Variants in UNC5C observed in about 807,000 individuals in gnomAD.
UNC5C encodes the protein unc-5 netrin receptor C, also known as netrin receptor UNC5C.
In UNC5C, 47 loss-of-function variants were observed where a neutral mutation model predicts 99.8. The ratio of observed to expected loss-of-function variants is 0.47; its 90% CI spans 0.37 to 0.60. The LOEUF (loss-of-function observed/expected upper bound fraction) is 0.60, where lower values mean the gene tolerates loss of function less well. Among genes scored for constraint, UNC5C ranks in the 20% least tolerant of loss-of-function variants. The probability of loss-of-function intolerance (pLI) is 0.00; values close to 1 mark genes in which losing one functional copy is unlikely to be tolerated. For missense variants in UNC5C, 1,062 were observed against 1,165.9 expected, an observed-to-expected ratio of 0.91 and a Z score of 1.30; for synonymous variants, 487 against 452.2, an observed-to-expected ratio of 1.08 and a Z score of -0.98.
chr4:95,246,648 A>T (rs766512003), intron 5 of UNC5C, among the ~76,000 whole-genome samples: 5 of 151,778 alleles, frequency 3.3e-5, no homozygotes, highest in Non-Finnish European at 7.4e-5. Context: ...ATATGTATAT[A>T]ATTTTATATA....
In UNC5C at chr4:95,467,030, C is replaced by T. The variant is rs181432051; in HGVS notation, c.124+81704G>A. Among the ~76,000 whole-genome samples, 45 of 152,174 alleles carry T rather than the reference C, an allele frequency of 3.0e-4. 2 individuals are homozygous for T. Among genetic ancestry groups the T allele is most frequent in the Admixed American group, 2.4e-3 (37 of 15,290 alleles). On this transcript the variant is annotated intron_variant, in intron 1 of 15. Coordinates refer to ENST00000453304, the MANE Select transcript of UNC5C (RefSeq NM_003728.4). ...CCAGCTGTCATGTAATGATGACACTCGAGCCATGATGAGAAACTGAGGCCT... is the reference window on the plus strand; with the variant it reads ...CCAGCTGTCATGTAATGATGACACTTGAGCCATGATGAGAAACTGAGGCCT...
At chr4:95,490,846 C>A (rs563055810) in intron 1 of UNC5C, among the ~76,000 whole-genome samples, 7 of 151,730 alleles carry the variant, frequency 4.6e-5, no homozygotes, top group Non-Finnish European at 1.0e-4. Context: ...AATAATTTAT[C>A]AAGTTATTAT....
At chr4:95,412,976 G>T (rs1030857080) in intron 1 of UNC5C, among the ~76,000 whole-genome samples, 2 of 152,040 alleles carry the variant, frequency 1.3e-5, no homozygotes, top group African/African-American at 2.4e-5. Flanking sequence ...ATTCTCTCTC[G>T]ACTTCCTTCA....
At chr4:95,362,143 A>G (rs1167074081) in intron 1 of UNC5C, among the ~76,000 whole-genome samples, 1 of 152,064 alleles carries the variant, frequency 6.6e-6, no homozygotes, top group African/African-American at 2.4e-5. Flanking sequence ...ATGTCAGGAA[A>G]ACATCTTGTT....
At chr4:95,182,736 C>T (rs1255158510) in intron 14 of UNC5C, among the ~76,000 whole-genome samples, 161 bp downstream of exon 14, 1 of 151,952 alleles carries the variant, frequency 6.6e-6, no homozygotes, top group East Asian at 1.9e-4. Context: ...AGCTAGCTTC[C>T]ATTGCTCATT....
rs564814788 is a variant in UNC5C, at chr4:95,447,528, T to A, written c.124+101206A>T. 1.1e-4 allele frequency among the ~76,000 whole-genome samples: 17 copies of A among 152,314 alleles called. 1 individual carries two copies. The East Asian group carries it at 3.3e-3, about 29-fold the overall frequency. ...ATTTTTTTATTTATTTGAGACGAAG[T>A]CTCACTCTGTCACCCAGGCTGGAGT... On this transcript the variant is annotated intron_variant, in intron 1 of 15. Coordinates refer to ENST00000453304, the MANE Select transcript of UNC5C (RefSeq NM_003728.4).
At chr4:95,274,984 C>G (rs1302812660) in intron 4 of UNC5C, among the ~76,000 whole-genome samples, 2 of 150,250 alleles carry the variant, frequency 1.3e-5, no homozygotes, top group Non-Finnish European at 2.9e-5. Flanking sequence ...CAAGATCACG[C>G]CACTGCACTC....
chr4:95,247,366 G>C (rs140555480), intron 5 of UNC5C, among the ~76,000 whole-genome samples: 2 of 152,170 alleles, frequency 1.3e-5, no homozygotes, highest in African/African-American at 2.4e-5. Flanking sequence ...TAGGGTTTCA[G>C]TGAGTGTTCC....
At chr4:95,402,963 A>G (rs901275843) in intron 1 of UNC5C, among the ~76,000 whole-genome samples, 1 of 152,108 alleles carries the variant, frequency 6.6e-6, no homozygotes, top group Non-Finnish European at 1.5e-5. Context: ...ATGAGATACT[A>G]TTTCTTTAAA....
intron 1 of UNC5C, among the ~76,000 whole-genome samples, chr4:95,363,297 C>T (rs1744452920): frequency 6.6e-6 from 1 of 152,120 alleles, no homozygotes; most frequent in South Asian, 2.1e-4. Flanking sequence ...GATCATTTGG[C>T]AGAGGCACCA....
At chr4:95,428,715 C>T (rs565403928) in intron 1 of UNC5C, among the ~76,000 whole-genome samples, 1 of 152,198 alleles carries the variant, frequency 6.6e-6, no homozygotes, top group East Asian at 1.9e-4. Context: ...CTTAAAACTC[C>T]CCAGAATTAA....
chr4:95,443,506 A>G (rs115581176), intron 1 of UNC5C, among the ~76,000 whole-genome samples: 5 of 152,228 alleles, frequency 3.3e-5, no homozygotes, highest in African/African-American at 1.2e-4. Flanking sequence ...TTATATGAAC[A>G]ATCAAAGCAA....
At chr4:95,271,352 C>A (rs1056834206) in intron 4 of UNC5C, among the ~76,000 whole-genome samples, 1 of 152,088 alleles carries the variant, frequency 6.6e-6, no homozygotes, top group Non-Finnish European at 1.5e-5. Context: ...CTCAGCCTCC[C>A]GCGTAGCTGG....
rs369664853 is a variant in UNC5C, at chr4:95,219,096, G to C, written c.1518C>G (p.Thr506=). The change falls in exon 9 of 16, where the codon ACC becomes ACG. Residue 506 remains threonine (T), a synonymous_variant. Coordinates refer to ENST00000453304, the MANE Select transcript of UNC5C (RefSeq NM_003728.4). ...EFTSKLSPQM[T]QSLLENEALS... ...GGGCTTCATTCTCCAACAACGACTG[G>C]GTCATCTGAGGGGACAGCTTGGACG... The C allele has an allele frequency of 1.2e-6, 2 of 1,614,106 alleles. No homozygotes were observed. The highest frequency in any genetic ancestry group is 8.5e-7 in the Non-Finnish European group (1 of 1,180,004).
intron 2 of UNC5C, among the ~76,000 whole-genome samples, chr4:95,327,661 T>C (rs1179156859): frequency 6.6e-6 from 1 of 152,112 alleles, no homozygotes; most frequent in Non-Finnish European, 1.5e-5. Flanking sequence ...TTAGGGCCTC[T>C]TCCCCTGTAG....
At chr4:95,335,279 C>T in intron 2 of UNC5C, 131 bp downstream of exon 2, 1 of 865,554 alleles carries the variant, frequency 1.2e-6, no homozygotes, top group East Asian at 2.7e-5. Flanking sequence ...CTTAACCAAA[C>T]CAATTCAAAA....
chr4:95,532,673 C>A (rs1264382499), intron 1 of UNC5C, among the ~76,000 whole-genome samples: 1 of 152,038 alleles, frequency 6.6e-6, no homozygotes, highest in Non-Finnish European at 1.5e-5. Flanking sequence ...TTGTTCATAG[C>A]AAATGAAAGA....
At chr4:95,477,478 C>A (rs1404958468) in intron 1 of UNC5C, among the ~76,000 whole-genome samples, 9 of 151,972 alleles carry the variant, frequency 5.9e-5, no homozygotes, top group Non-Finnish European at 1.3e-4. Flanking sequence ...GTTGGTGGAG[C>A]CATTCTAAGC....
At chr4:95,463,837 C>T (rs535013891) in intron 1 of UNC5C, among the ~76,000 whole-genome samples, 38 of 152,162 alleles carry the variant, frequency 2.5e-4, no homozygotes, top group African/African-American at 8.7e-4. Flanking sequence ...CAGGTCTTGC[C>T]CCCTAGGAAC....
Sources: allele counts gnomAD v4.1 joint callset (sites outside exome capture counted in the v4.1 genomes callset), GRCh38; gene constraint gnomAD v4.1.1; transcripts MANE v1.5; gene names NCBI Gene and HGNC (gene_info 2026-07-23, HGNC 2026-07-21).